The following FOXK1 variants were observed in gnomAD, a reference collection of about 807,000 sequenced individuals.
FOXK1 encodes the protein forkhead box K1.
In FOXK1, 19 loss-of-function variants were observed where a neutral mutation model predicts 51.9. The ratio of observed to expected loss-of-function variants is 0.37; its 90% CI spans 0.26 to 0.54. The LOEUF is 0.54. Among genes scored for constraint, FOXK1 ranks in the 20% least tolerant of loss-of-function variants. The pLI is 0.87. For missense variants in FOXK1, 870 were observed against 1,032.7 expected (o/e 0.84, Z 2.16); for synonymous variants, 537 against 482.6 (o/e 1.11, Z -1.48).
chr7:4,718,144 G>C (rs763236456), intron 1 of FOXK1, among the ~76,000 whole-genome samples: 10 of 152,200 alleles, frequency 6.6e-5, no homozygotes, highest in Non-Finnish European at 1.2e-4. Context: ...GTGTTGCAGA[G>C]GTCCCTGCAC....
rs1001767697 is a variant in FOXK1, at chr7:4,729,529, C to T, written c.561-11309C>T. Among the ~76,000 whole-genome samples, 1 of 152,086 alleles carries T rather than the reference C, an allele frequency of 6.6e-6. No individual in the cohort carries two copies. The highest frequency in any genetic ancestry group is 1.5e-5 in the Non-Finnish European group (1 of 68,008). ...GCTGCCATGGGGTGCTCAGGACTGCCGGGCCCCGGGAGCCCCACCCGGCAG... is the reference window on the plus strand; with the variant it reads ...GCTGCCATGGGGTGCTCAGGACTGCTGGGCCCCGGGAGCCCCACCCGGCAG... On this transcript the variant is annotated intron_variant, in intron 1 of 8. Coordinates refer to ENST00000328914, the MANE Select transcript of FOXK1 (RefSeq NM_001037165.2). This position sits in a 1 kb window ranked among gnomAD's most constrained non-coding sequence, Gnocchi z 6.2.
At chr7:4,686,316 G>C (rs1424749016) in intron 1 of FOXK1, among the ~76,000 whole-genome samples, 1 of 152,168 alleles carries the variant, frequency 6.6e-6, no homozygotes, top group East Asian at 1.9e-4. Context: ...CTTGGGACAG[G>C]TACATGCCAC....
intron 1 of FOXK1, among the ~76,000 whole-genome samples, chr7:4,686,834 A>T (rs1338413126): frequency 1.4e-5 from 2 of 142,676 alleles, no homozygotes; most frequent in Non-Finnish European, 3.0e-5. Context: ...CATGGGGGGG[A>T]ATTCAGACAG....
Position 4,748,996 on chromosome 7 carries a change from CG to C in FOXK1, c.747-5462del, listed in dbSNP as rs1446633558. 1.3e-5 allele frequency among the ~76,000 whole-genome samples: 2 copies of C among 152,212 alleles called. No homozygotes were observed. Among genetic ancestry groups the C allele is most frequent in the Non-Finnish European group, 2.9e-5 (2 of 68,026 alleles). On this transcript the variant is annotated intron_variant, in intron 2 of 8. Transcript: ENST00000328914. This position sits in a 1 kb window ranked among gnomAD's most constrained non-coding sequence, Gnocchi z 4.9. ...GCCTGGACCCCCAGGTTCCTGTCCA[CG>C]CTTCTGGGACTGGCTGTGCCTGGCG... is the stretch of plus-strand genomic sequence containing the variant.
rs1780179790 is a variant in FOXK1 at position 4,711,960 on chromosome 7, G to A, written c.561-28878G>A. Among the ~76,000 whole-genome samples the A allele has an allele frequency of 6.6e-6, 1 of 152,238 alleles. No homozygotes were observed. The highest frequency in any genetic ancestry group is 2.1e-4 in the South Asian group (1 of 4,826). On this transcript the variant is annotated intron_variant, in intron 1 of 8. Transcript: ENST00000328914. The surrounding 1 kb of genome is among the most constrained non-coding windows in gnomAD (Gnocchi z 6.3). The stretch of plus-strand genomic sequence containing the variant: ...GGGGGAGGGGCAGAGGGCAGGTGCC[G>A]CCGAGCAGGAGGGAGGACGCGGCAG...
chr7:4,750,482 G>A (rs951341973), intron 2 of FOXK1, among the ~76,000 whole-genome samples: 7 of 149,124 alleles, frequency 4.7e-5, no homozygotes, highest in Non-Finnish European at 7.4e-5. Flanking sequence ...TCGCTCTGTC[G>A]CCCAGGCTGG....
At chr7:4,701,410 G>T (rs537976881) in intron 1 of FOXK1, among the ~76,000 whole-genome samples, 2 of 152,104 alleles carry the variant, frequency 1.3e-5, no homozygotes, top group Admixed American at 6.6e-5. Context: ...CAGCCAATTC[G>T]TATGTATTTT....
In FOXK1 at chr7:4,683,426, C is replaced by T. The variant is rs551792664; in HGVS notation, c.560+558C>T. ...TTAACCGCGACCCCCACTTCCTAGG[C>T]CCCCCCGGAGTCACCCCTGACCGCT... On this transcript the variant is annotated intron_variant, in intron 1 of 8. Transcript: ENST00000328914. This position sits in a 1 kb window ranked among gnomAD's most constrained non-coding sequence, Gnocchi z 4.5. Among the ~76,000 whole-genome samples, 2 of 151,382 alleles carry T rather than the reference C, an allele frequency of 1.3e-5. No individual in the cohort carries two copies. The highest frequency in any genetic ancestry group is 2.1e-4 in the South Asian group (1 of 4,790).
Position 4,740,977 on chromosome 7 carries a change from C to T in FOXK1, c.700C>T (p.Leu234Phe), listed in dbSNP as rs1217988977. The part of the protein sequence containing the change: ...PLKIHIPEPD[L>F]RSMVSPVPSP... ...GAAGATCCACATCCCGGAGCCGGAC[C>T]TCCGGAGCATGGTCAGCCCCGTCCC... The change falls in exon 2 of 9, where the codon CTC becomes TTC. Residue 234 changes from leucine to phenylalanine, a missense_variant. Around this residue, in one of 3 missense-constraint regions of FOXK1, gnomAD observed 399 missense variants for 475.6 expected, o/e 0.84. Coordinates refer to ENST00000328914, the MANE Select transcript of FOXK1 (RefSeq NM_001037165.2). 6.4e-7 allele frequency: 1 copy of T among 1,562,346 alleles called. No individual in the cohort carries two copies. Among genetic ancestry groups the T allele is most frequent in the Non-Finnish European group, 8.6e-7 (1 of 1,159,112 alleles).
At chr7:4,750,281 G>A (rs757002005) in intron 2 of FOXK1, among the ~76,000 whole-genome samples, 5 of 152,096 alleles carry the variant, frequency 3.3e-5, no homozygotes, top group Non-Finnish European at 5.9e-5. Flanking sequence ...ACTGGGGGGG[G>A]CCTGACCGAG....
At chr7:4,746,975 C>G (rs1280400578) in intron 2 of FOXK1, among the ~76,000 whole-genome samples, 2 of 152,230 alleles carry the variant, frequency 1.3e-5, no homozygotes, top group Non-Finnish European at 2.9e-5. Flanking sequence ...GTTTCCTCCA[C>G]ATGGGAAGGT....
At chr7:4,728,179 C>T (rs1015468952) in intron 1 of FOXK1, among the ~76,000 whole-genome samples, 1 of 152,196 alleles carries the variant, frequency 6.6e-6, no homozygotes, top group African/African-American at 2.4e-5. Flanking sequence ...GGAGATGTGA[C>T]ACGACTCTTT....
In FOXK1 at chr7:4,698,312, G is replaced by GTGTATA. The variant is rs150885952; in HGVS notation, c.560+15445_560+15446insGTATAT. On this transcript the variant is annotated intron_variant, in intron 1 of 8. Coordinates refer to ENST00000328914, the MANE Select transcript of FOXK1 (RefSeq NM_001037165.2). Reference sequence around the variant, plus strand: ...TGCGATTTTATATATGTATGTGTGTGTATATATATATATATATATCGTGCC... The same window carrying GTGTATA: ...TGCGATTTTATATATGTATGTGTGTGTGTATATATATATATATATATATATCGTGCC... Among the ~76,000 whole-genome samples the GTGTATA allele has an allele frequency of 7.6e-3, 1,114 of 147,136 alleles. 17 individuals carry two copies. The highest frequency in any genetic ancestry group is 0.026 in the African/African-American group (1,057 of 40,096).
At chr7:4,687,437 C>CTGAAATTA (rs1779835541) in intron 1 of FOXK1, among the ~76,000 whole-genome samples, 1 of 151,816 alleles carries the variant, frequency 6.6e-6, no homozygotes, top group South Asian at 2.1e-4. Context: ...GGATTACAGG[C>CTGAAATTA]GCACGTCACC....
chr7:4,685,390 A>T (rs1053626943), intron 1 of FOXK1, among the ~76,000 whole-genome samples: 1 of 151,560 alleles, frequency 6.6e-6, no homozygotes, highest in Non-Finnish European at 1.5e-5. Context: ...AATTCTTTGT[A>T]TTTTTAGTAG....
Position 4,706,034 on chromosome 7 carries a change from G to GTATATATA in FOXK1, c.560+23167_560+23168insATATATAT, listed in dbSNP as rs1491562005. On this transcript the variant is annotated intron_variant, in intron 1 of 8. Coordinates refer to ENST00000328914, the MANE Select transcript of FOXK1 (RefSeq NM_001037165.2). ...TATACGTATATATACGTGTATATAC[G>GTATATATA]TGTATATACGTGTATATATGTATAT... Among the ~76,000 whole-genome samples, 6 of 95,426 alleles carry GTATATATA rather than the reference G, an allele frequency of 6.3e-5. 1 individual carries two copies. Among genetic ancestry groups the GTATATATA allele is most frequent in the African/African-American group, 6.2e-4 (6 of 9,658 alleles). 62.6% of individuals were successfully genotyped at this position (95,426 alleles called of 152,430 possible).
At chr7:4,705,779 C>A (rs796314981) in intron 1 of FOXK1, among the ~76,000 whole-genome samples, 56 of 146,070 alleles carry the variant, frequency 3.8e-4, no homozygotes, top group African/African-American at 1.5e-3. Context: ...CCTCGTGACC[C>A]CCCCCCGCCT....
rs1481837164 is a variant in FOXK1, at chr7:4,759,141, C to T, written c.1335C>T (p.Ser445=). ...QTPECLSREG[S]PIPHDPEFGS... is the part of the protein sequence containing the mutation. ...CAGAGTGCCTGTCTCGGGAGGGCTC[C>T]CCCATTCCACACGACCCTGAGTTTG... Residue 445 remains serine, a synonymous_variant, in exon 6 of 9, where the codon TCC becomes TCT. Coordinates refer to ENST00000328914, the MANE Select transcript of FOXK1 (RefSeq NM_001037165.2). 1 of 1,612,482 alleles carries T rather than the reference C, an allele frequency of 6.2e-7. No homozygotes were observed. Among genetic ancestry groups the T allele is most frequent in the Non-Finnish European group, 8.5e-7 (1 of 1,179,920 alleles).
rs1204122272 is a variant in FOXK1 at position 4,731,690 on chromosome 7, C to T, written c.561-9148C>T. 1.4e-5 allele frequency among the ~76,000 whole-genome samples: 2 copies of T among 145,978 alleles called. No homozygotes were observed. Among genetic ancestry groups the T allele is most frequent in the East Asian group, 2.1e-4 (1 of 4,860 alleles). On this transcript the variant is annotated intron_variant, in intron 1 of 8. Transcript: ENST00000328914. This position sits in a 1 kb window ranked among gnomAD's most constrained non-coding sequence, Gnocchi z 5.3. ...CAGGAGAATCGCTTGGACCTGGAGG[C>T]GGAGGTTGCAGTGAGCTGAGATTGC...
Sources: allele counts gnomAD v4.1 joint callset (sites outside exome capture counted in the v4.1 genomes callset), GRCh38; gene constraint gnomAD v4.1.1; regional missense constraint gnomAD v4.1.1; non-coding constraint Gnocchi (gnomAD v3.1); transcripts MANE v1.5; gene names NCBI Gene and HGNC (gene_info 2026-07-23, HGNC 2026-07-21).